The following RTKN variants were observed in gnomAD, a reference collection of about 807,000 sequenced individuals.
The protein encoded by RTKN is rhotekin.
A neutral mutation model predicts 63.5 loss-of-function variants in RTKN; 49 were observed. That is an observed-to-expected ratio of 0.77 (90% CI 0.61 to 0.98). The LOEUF (loss-of-function observed/expected upper bound fraction) is 0.98, where lower values mean the gene tolerates loss of function less well. Among genes scored for constraint, RTKN ranks in the 50% least tolerant of loss-of-function variants. The probability of loss-of-function intolerance (pLI) is 0.00; values close to 1 mark genes in which losing one functional copy is unlikely to be tolerated. For missense variants in RTKN, 685 were observed against 740.8 expected (o/e 0.92, Z 0.87); for synonymous variants, 295 against 290.4 (o/e 1.02, Z -0.16).
intron 1 of RTKN, chr2:74,440,118 C>A: frequency 5.8e-6 from 3 of 513,608 alleles, no homozygotes; most frequent in Non-Finnish European, 7.7e-6. Context: ...AGGGAAACGA[C>A]GCCTCATGCA....
chr2:74,440,473 C>T, intron 1 of RTKN: 1 of 986,840 alleles, frequency 1.0e-6, no homozygotes, highest in African/African-American at 1.7e-5. Flanking sequence ...GCCCCGATTC[C>T]GAGCCAGCTG....
chr2:74,430,156 C>T (rs1488896826), intron 5 of RTKN, 96 bp downstream of exon 5: 3 of 1,498,996 alleles, frequency 2.0e-6, no homozygotes, highest in African/African-American at 1.4e-5. Flanking sequence ...CCCTCCTCTC[C>T]ACCCTGCCCC....
chr2:74,428,127 C>T (rs558688167), intron 9 of RTKN, 141 bp downstream of exon 9: 4 of 1,028,550 alleles, frequency 3.9e-6, no homozygotes, highest in South Asian at 3.0e-5. Context: ...AAAATACGGG[C>T]CCCTGAAGCT....
intron 2 of RTKN, among the ~76,000 whole-genome samples, chr2:74,431,289 C>T (rs115402651): frequency 0.011 from 1,743 of 152,200 alleles, 35 homozygotes; most frequent in Admixed American, 0.04. Context: ...ATGGTGTACC[C>T]TACTAGTGCC....
chr2:74,429,751 A>C (rs1367283716), intron 6 of RTKN, 77 bp downstream of exon 6: 84 of 1,378,238 alleles, frequency 6.1e-5, no homozygotes, highest in Non-Finnish European at 8.2e-5. Flanking sequence ...TGGGTTCTGC[A>C]CACTCAACAC....
chr2:74,437,660 A>G (rs76591025), intron 1 of RTKN, among the ~76,000 whole-genome samples: 41 of 152,326 alleles, frequency 2.7e-4, no homozygotes, highest in African/African-American at 9.9e-4. Context: ...TAAGGAATTA[A>G]TGTTTTGTTT....
chr2:74,430,000 G>A lies in RTKN; in HGVS notation c.583C>T (p.Leu195=). 6.2e-7 allele frequency: 1 copy of A among 1,614,240 alleles called. No homozygotes were observed. Among genetic ancestry groups the A allele is most frequent in the Non-Finnish European group, 8.5e-7 (1 of 1,180,044 alleles). The change falls in exon 6 of 12, where the codon CTG becomes TTG. Residue 195 remains leucine, a synonymous_variant. Coordinates refer to ENST00000272430, the MANE Select transcript of RTKN (RefSeq NM_001015055.2). ...AGPDFELRLE[L]YGACVEEEGA... ...TCTTCTTCCACACAGGCCCCATACAGCTCTAACCGCAGTTCAAAGTCTGGC... is the reference window on the plus strand; with the variant it reads ...TCTTCTTCCACACAGGCCCCATACAACTCTAACCGCAGTTCAAAGTCTGGC...
In RTKN at chr2:74,429,868, A is replaced by G; in HGVS notation, c.715T>C (p.Ser239Pro). 1 of 1,614,168 alleles carries G rather than the reference A, an allele frequency of 6.2e-7. No individual in the cohort carries two copies. Among genetic ancestry groups the G allele is most frequent in the Non-Finnish European group, 8.5e-7 (1 of 1,180,016 alleles). The change falls in exon 6 of 12, where the codon TCA (serine) becomes CCA (proline). Residue 239 changes from serine to proline, a missense_variant. Physicochemically the swap from Ser to Pro is moderately conservative, Grantham distance 74 (BLOSUM62 -1). Transcript: ENST00000272430. ...GGGAGCAAGATGGGACTGCTCCCTG[A>G]ACCCCCAGCACTGTCCAGCGATGCC... ...VRASLDSAGGSGSSPILLPTP... is the reference protein window; with the variant it reads ...VRASLDSAGGPGSSPILLPTP...
At chr2:74,432,233 G>A (rs910800955) in intron 2 of RTKN, 1 of 686,506 alleles carries the variant, frequency 1.5e-6, no homozygotes, top group Non-Finnish European at 2.7e-6. Flanking sequence ...CTTCAGATCA[G>A]CTACCTTTCA....
intron 1 of RTKN, among the ~76,000 whole-genome samples, chr2:74,441,103 G>A (rs1234909105): frequency 1.3e-5 from 2 of 152,242 alleles, no homozygotes; most frequent in Non-Finnish European, 2.9e-5. Flanking sequence ...CGGGGGAAAC[G>A]CTCAGCCTAG....
In RTKN at chr2:74,428,296, T is replaced by A. The variant is rs1670530574; in HGVS notation, c.1058A>T (p.Glu353Val). The change falls in exon 9 of 12, where the codon GAG becomes GTG. Residue 353 changes from glutamate to valine, a missense_variant. Coordinates refer to ENST00000272430, the MANE Select transcript of RTKN (RefSeq NM_001015055.2). The stretch of plus-strand genomic sequence containing the variant: ...GTTGACAGCAATAGTAAGCAGCGGC[T>A]CTTCCCCAGTGTCTGCATCCTCAGG... ...RQPEDADTGE[E>V]PLLTIAVNKE... 1 of 1,614,046 alleles carries A rather than the reference T, an allele frequency of 6.2e-7. No individual in the cohort carries two copies. Among genetic ancestry groups the A allele is most frequent in the African/African-American group, 1.3e-5 (1 of 74,912 alleles).
At position 74,427,576 on chromosome 2, in the gene RTKN, G is replaced by C; in HGVS notation, c.1103C>G (p.Ala368Gly). ...IAVNKETRVR[A>G]GELDQALGRP... ...TCCTAGAGCCTGGTCCAGCTCCCCT[G>C]CCCGGACTCGAGTCTCCTGCAGGAG... is the stretch of plus-strand genomic sequence containing the variant. Residue 368 changes from alanine (A) to glycine (G), a missense_variant, in exon 10 of 12, where the codon GCA becomes GGA. Ala to Gly is a moderately conservative substitution (Grantham distance 60). Transcript: ENST00000272430. The C allele has an allele frequency of 1.1e-5, 17 of 1,612,590 alleles. No homozygotes were observed. The highest frequency in any genetic ancestry group is 1.4e-5 in the Non-Finnish European group (17 of 1,179,818).
At chr2:74,433,111 C>T (rs899251692) in intron 1 of RTKN, among the ~76,000 whole-genome samples, 10 of 151,872 alleles carry the variant, frequency 6.6e-5, no homozygotes, top group Admixed American at 3.3e-4. Context: ...GGCGTGGTGG[C>T]GGGCGCCTGT....
Position 74,434,259 on chromosome 2 carries a change from C to T in RTKN, c.112-1593G>A, listed in dbSNP as rs147233750. Among the ~76,000 whole-genome samples the T allele has an allele frequency of 3.3e-3, 499 of 150,948 alleles. 4 individuals carry two copies. Among genetic ancestry groups the T allele is most frequent in the African/African-American group, 0.012 (476 of 41,050 alleles). ...CTGAGATTACAGGCATGTGCCACCA[C>T]GCCCGAGTAAGTTTTGTATTCTTTT... On this transcript the variant is annotated intron_variant, in intron 1 of 11. Coordinates refer to ENST00000272430, the MANE Select transcript of RTKN (RefSeq NM_001015055.2).
In RTKN at chr2:74,427,276, GGAA is replaced by G; in HGVS notation, c.1256-6_1256-4del. 1.9e-6 allele frequency: 3 copies of G among 1,613,914 alleles called. No homozygotes were observed. Among genetic ancestry groups the G allele is most frequent in the South Asian group, 2.2e-5 (2 of 91,072 alleles). ...ATCACAGCACTGCTTCCATTGGCCTGGAAGAAGAGCGCTGATTAAAAGAGAGAG... is the reference window on the plus strand; with the variant it reads ...ATCACAGCACTGCTTCCATTGGCCTGGAAGAGCGCTGATTAAAAGAGAGAG... On this transcript the variant is annotated splice_polypyrimidine_tract_variant and splice_region_variant and intron_variant, in intron 10 of 11. Coordinates refer to ENST00000272430, the MANE Select transcript of RTKN (RefSeq NM_001015055.2).
intron 1 of RTKN, chr2:74,440,130 G>A: frequency 2.2e-6 from 1 of 460,640 alleles, no homozygotes; most frequent in Non-Finnish European, 2.9e-6. Flanking sequence ...CCTCATGCAG[G>A]TTCTAGAGTC....
intron 1 of RTKN, among the ~76,000 whole-genome samples, chr2:74,434,231 T>A (rs991324151): frequency 1.3e-5 from 2 of 150,990 alleles, no homozygotes; most frequent in Non-Finnish European, 2.9e-5. Flanking sequence ...GCCTCCTGAG[T>A]AGCTGAGATT....
chr2:74,436,446 G>T lies in RTKN; in HGVS notation c.112-3780C>A, dbSNP rs1454059886. Among the ~76,000 whole-genome samples the T allele has an allele frequency of 6.6e-6, 1 of 152,156 alleles. No homozygotes were observed. The highest frequency in any genetic ancestry group is 2.4e-5 in the African/African-American group (1 of 41,444). ...GGGCACCTGGCTGGGCTTGGCTCAAGGCGGTGCCTCCACCGAGACTCCATC... is the reference window on the plus strand; with the variant it reads ...GGGCACCTGGCTGGGCTTGGCTCAATGCGGTGCCTCCACCGAGACTCCATC... On this transcript the variant is annotated intron_variant, in intron 1 of 11. Coordinates refer to ENST00000272430, the MANE Select transcript of RTKN (RefSeq NM_001015055.2). This position sits in a 1 kb window ranked among gnomAD's most constrained non-coding sequence, Gnocchi z 4.3.
chr2:74,427,298 G>C (rs1232552638), intron 10 of RTKN, 25 bp from the exon 11 acceptor site: 1 of 1,612,016 alleles, frequency 6.2e-7, no homozygotes, highest in Non-Finnish European at 8.5e-7. Flanking sequence ...CTGATTAAAA[G>C]AGAGAGCCAG....
Sources: allele counts gnomAD v4.1 joint callset (sites outside exome capture counted in the v4.1 genomes callset), GRCh38; gene constraint gnomAD v4.1.1; non-coding constraint Gnocchi (gnomAD v3.1); transcripts MANE v1.5; gene names NCBI Gene and HGNC (gene_info 2026-07-23, HGNC 2026-07-21).